NRG1: variants seen among roughly 807,000 people sequenced by gnomAD.
The protein encoded by NRG1 is neuregulin 1, also known as pro-neuregulin-1, membrane-bound isoform.
Under a neutral mutation model 63.8 loss-of-function variants are expected in NRG1, and 18 were observed. That is an observed-to-expected ratio of 0.28 (90% confidence interval 0.19 to 0.42). The LOEUF is 0.42. Among genes scored for constraint, NRG1 ranks in the 10% least tolerant of loss-of-function variants. The pLI, the probability that NRG1 is intolerant of heterozygous loss-of-function variation, is 1.00. For missense variants in NRG1, 762 were observed against 814.7 expected (o/e 0.94, Z 0.79); for synonymous variants, 302 against 301.3 (o/e 1.00, Z -0.02).
At chr8:32,716,907 A>G (rs969806750) in intron 5 of NRG1, among the ~76,000 whole-genome samples, 1 of 151,896 alleles carries the variant, frequency 6.6e-6, no homozygotes, top group African/African-American at 2.4e-5. Flanking sequence ...ATATTATGTA[A>G]TGTAGAAAAG....
In NRG1 at chr8:32,716,645, G is replaced by T. The variant is rs16879823; in HGVS notation, c.503-11304G>T. On this transcript the variant is annotated intron_variant, in intron 5 of 11. Transcript: ENST00000356819. ...ATATTCCTTGTGTCTGACGATGCAG[G>T]AATTTAGCCAGGCAAGCTGAGATAA... is the stretch of plus-strand genomic sequence containing the variant. Among the ~76,000 whole-genome samples, 525 of 152,210 alleles carry T rather than the reference G, an allele frequency of 3.4e-3. 3 individuals carry two copies. The highest frequency in any genetic ancestry group is 0.012 in the African/African-American group (507 of 41,530).
At chr8:32,646,560 C>A (rs1853583765) in intron 5 of NRG1, among the ~76,000 whole-genome samples, 1 of 152,118 alleles carries the variant, frequency 6.6e-6, no homozygotes, top group Non-Finnish European at 1.5e-5. Context: ...CCCACCCCAT[C>A]CCCATCCCAG....
intron 1 of NRG1, among the ~76,000 whole-genome samples, chr8:32,327,255 A>G (rs530540537): frequency 1.3e-5 from 2 of 152,346 alleles, no homozygotes; most frequent in African/African-American, 4.8e-5. Flanking sequence ...CCATATGTGA[A>G]CAATATTGAC....
intron 1 of NRG1, among the ~76,000 whole-genome samples, chr8:32,058,249 A>G (rs1379475632): frequency 1.3e-5 from 2 of 152,092 alleles, no homozygotes; most frequent in South Asian, 2.1e-4. Context: ...ACTCAAACTC[A>G]TAAGTAAAGG....
intron 2 of NRG1, among the ~76,000 whole-genome samples, chr8:32,600,342 A>C (rs1258355388): frequency 6.6e-6 from 1 of 152,070 alleles, no homozygotes; most frequent in Non-Finnish European, 1.5e-5. Flanking sequence ...ACACACACAC[A>C]CACACACACA....
chr8:32,322,399 A>AATGTAGC (rs1801516114), intron 1 of NRG1, among the ~76,000 whole-genome samples: 2 of 150,264 alleles, frequency 1.3e-5, no homozygotes, highest in Admixed American at 6.7e-5. Context: ...GATTGTTTTT[A>AATGTAGC]ATGTAGCCAT....
chr8:32,017,735 A>G (rs979090650), intron 1 of NRG1, among the ~76,000 whole-genome samples: 15 of 152,236 alleles, frequency 9.9e-5, no homozygotes, highest in African/African-American at 3.6e-4. Context: ...AAGGAAAGAC[A>G]TGGGGCAAAG....
intron 1 of NRG1, among the ~76,000 whole-genome samples, chr8:32,312,748 G>T (rs1048632821): frequency 6.6e-6 from 1 of 151,812 alleles, no homozygotes; most frequent in Non-Finnish European, 1.5e-5. Flanking sequence ...TCCCGGGAAT[G>T]AAACTAACCA....
chr8:32,121,985 TA>T (rs1454943585), intron 1 of NRG1, among the ~76,000 whole-genome samples: 4 of 152,050 alleles, frequency 2.6e-5, no homozygotes, highest in Non-Finnish European at 5.9e-5. Flanking sequence ...TCTTGCTACT[TA>T]TTTCCTTTAT....
At chr8:31,943,233 G>A (rs1802025399) in intron 1 of NRG1, among the ~76,000 whole-genome samples, 1 of 152,136 alleles carries the variant, frequency 6.6e-6, no homozygotes, top group African/African-American at 2.4e-5. Context: ...GACATTTGTA[G>A]CAACCTGGAT....
chr8:31,795,358 T>C (rs1225710545), intron 1 of NRG1, among the ~76,000 whole-genome samples: 1 of 152,152 alleles, frequency 6.6e-6, no homozygotes, highest in Non-Finnish European at 1.5e-5. Flanking sequence ...AGGGTGAGGT[T>C]GAGGAGTCAT....
intron 1 of NRG1, among the ~76,000 whole-genome samples, chr8:31,888,548 A>G (rs536587632): frequency 1.4e-4 from 22 of 152,180 alleles, no homozygotes; most frequent in African/African-American, 4.8e-4. Context: ...AGAGTTCAGA[A>G]TTGTCTTCTC....
At chr8:32,017,078 G>A (rs146949367) in intron 1 of NRG1, among the ~76,000 whole-genome samples, 3 of 152,292 alleles carry the variant, frequency 2.0e-5, no homozygotes, top group African/African-American at 4.8e-5. Flanking sequence ...ATGTTGGAAT[G>A]GTTACTATTT....
chr8:32,531,319 T>C (rs577877340), intron 1 of NRG1, among the ~76,000 whole-genome samples: 2 of 152,222 alleles, frequency 1.3e-5, no homozygotes, highest in South Asian at 4.1e-4. Context: ...TTTTCCTAAT[T>C]AAGGAAAGTA....
intron 1 of NRG1, among the ~76,000 whole-genome samples, chr8:32,329,192 T>G (rs1563321044): frequency 6.6e-6 from 1 of 152,084 alleles, no homozygotes; most frequent in Non-Finnish European, 1.5e-5. Context: ...TGGTCTTGAC[T>G]TCGTGGGCTC....
chr8:32,366,677 G>GTGTGTGTGTGTGTGTGTATATA (rs1164696498), intron 1 of NRG1, among the ~76,000 whole-genome samples: 1 of 87,522 alleles, frequency 1.1e-5, no homozygotes, highest in African/African-American at 4.6e-5. Flanking sequence ...GTGTGTGTGT[G>GTGTGTGTGTGTGTGTGTATATA]TATATATATA....
intron 5 of NRG1, among the ~76,000 whole-genome samples, chr8:32,699,414 G>A (rs139107185): frequency 2.0e-5 from 3 of 152,190 alleles, no homozygotes; most frequent in African/African-American, 7.2e-5. Context: ...TAAACAGCTT[G>A]CCTGGGTTAG....
chr8:31,660,428 G>T (rs1416562774), intron 1 of NRG1, among the ~76,000 whole-genome samples: 2 of 152,228 alleles, frequency 1.3e-5, no homozygotes, highest in Non-Finnish European at 2.9e-5. Flanking sequence ...TGGGTATATA[G>T]AATTGTTTCA....
intron 1 of NRG1, among the ~76,000 whole-genome samples, chr8:32,332,352 C>A (rs1019640579): frequency 1.3e-5 from 2 of 152,148 alleles, no homozygotes; most frequent in African/African-American, 4.8e-5. Flanking sequence ...CAAGTCCATG[C>A]TCAGCATTGC....
Sources: allele counts gnomAD v4.1 joint callset (sites outside exome capture counted in the v4.1 genomes callset), GRCh38; gene constraint gnomAD v4.1.1; transcripts MANE v1.5; gene names NCBI Gene and HGNC (gene_info 2026-07-23, HGNC 2026-07-21).